Variants in CDH2 observed in about 807,000 individuals in gnomAD.
CDH2 encodes the protein cadherin 2, also known as cadherin-2.
A neutral mutation model predicts 92.0 loss-of-function variants in CDH2; 17 were observed. The observed-to-expected ratio is 0.18, with a 90% confidence interval of 0.13 to 0.28. The LOEUF is 0.28. Among genes scored for constraint, CDH2 ranks in the 10% least tolerant of loss-of-function variants. The pLI is 1.00. For missense variants in CDH2, 862 were observed against 1,133.1 expected (o/e 0.76, Z 3.44); for synonymous variants, 419 against 415.9 (o/e 1.01, Z -0.09).
intron 1 of CDH2, among the ~76,000 whole-genome samples, chr18:28,166,581 G>GT (rs1449928658): frequency 5.3e-5 from 8 of 152,106 alleles, no homozygotes; most frequent in Non-Finnish European, 7.4e-5. Flanking sequence ...CACAAACATG[G>GT]TATGTACACA....
At chr18:28,151,693 C>T (rs2016125249) in intron 1 of CDH2, among the ~76,000 whole-genome samples, 1 of 152,128 alleles carries the variant, frequency 6.6e-6, no homozygotes, top group Non-Finnish European at 1.5e-5. Flanking sequence ...TCTGGAACTT[C>T]CAAGAGGAGA....
chr18:28,177,130 C>T lies in CDH2; in HGVS notation c.-108G>A, dbSNP rs1422996303. 2 of 750,610 alleles carry T rather than the reference C, an allele frequency of 2.7e-6. No individual in the cohort carries two copies. Among genetic ancestry groups the T allele is most frequent in the South Asian group, 1.8e-5 (1 of 54,398 alleles). 46.5% of individuals were successfully genotyped at this position (750,610 alleles called of 1,614,324 possible). On this transcript the variant is annotated 5_prime_UTR_variant, in exon 1 of 16. Transcript: ENST00000269141. ...CACCAACAGCGGCGCGGAGAAACGGCTCCAGGCAGTTTCCACCCCCTTCCC... is the reference window on the plus strand; with the variant it reads ...CACCAACAGCGGCGCGGAGAAACGGTTCCAGGCAGTTTCCACCCCCTTCCC...
rs988471577 is a variant in CDH2, at chr18:28,063,786, T to C, written c.173-49877A>G. 2.6e-5 allele frequency among the ~76,000 whole-genome samples: 4 copies of C among 152,324 alleles called. No homozygotes were observed. The South Asian group carries it at 8.3e-4, about 32-fold the overall frequency. ...TTCATACCATTTAAACTACATATCC[T>C]GGGATTTGTAGACAAAAGTATCCTC... is the stretch of plus-strand genomic sequence containing the variant. On this transcript the variant is annotated intron_variant, in intron 2 of 15. Coordinates refer to ENST00000269141, the MANE Select transcript of CDH2 (RefSeq NM_001792.5).
At chr18:28,047,098 T>G (rs1244066117) in intron 2 of CDH2, among the ~76,000 whole-genome samples, 2 of 152,202 alleles carry the variant, frequency 1.3e-5, no homozygotes, top group Non-Finnish European at 2.9e-5. Flanking sequence ...TCTACAGCTT[T>G]GTAATCTGCC....
In CDH2 at chr18:27,973,148, G is replaced by A. The variant is rs571521946; in HGVS notation, c.2350-9627C>T. Among the ~76,000 whole-genome samples the A allele has an allele frequency of 3.1e-4, 47 of 152,174 alleles. 1 individual carries two copies. The South Asian group carries it at 8.3e-3, about 27-fold the overall frequency. On this transcript the variant is annotated intron_variant, in intron 14 of 15. Coordinates refer to ENST00000269141, the MANE Select transcript of CDH2 (RefSeq NM_001792.5). ...CCCATCTCAGGCACTTGGACTTGGC[G>A]GAATGTGCTTTCTGTGTCACCAAGA...
At chr18:28,101,863 C>A (rs2015232358) in intron 2 of CDH2, among the ~76,000 whole-genome samples, 1 of 152,274 alleles carries the variant, frequency 6.6e-6, no homozygotes, top group South Asian at 2.1e-4. Context: ...ACACACCCCA[C>A]TTTGGTCACA....
intron 2 of CDH2, among the ~76,000 whole-genome samples, chr18:28,029,228 T>A (rs776963512): frequency 1.3e-5 from 2 of 152,094 alleles, no homozygotes; most frequent in Non-Finnish European, 2.9e-5. Flanking sequence ...CAAGCACAAG[T>A]AGTATATGGC....
rs1172779200 is a variant in CDH2, at chr18:28,007,165, A to AAAAATATATATATAT, written c.703-1173_703-1172insATATATATATATTTT. ...ACAGAGTGAGACTCCATAAAAAAAA[A>AAAAATATATATATAT]ATATATATATATATATATATATATA... On this transcript the variant is annotated intron_variant, in intron 5 of 15. Coordinates refer to ENST00000269141, the MANE Select transcript of CDH2 (RefSeq NM_001792.5). Among the ~76,000 whole-genome samples the AAAAATATATATATAT allele has an allele frequency of 3.7e-4, 41 of 110,448 alleles. 1 individual carries two copies. Among genetic ancestry groups the AAAAATATATATATAT allele is most frequent in the South Asian group, 1.5e-3 (5 of 3,384 alleles). The allele number at this position is 110,448 out of a possible 152,430, so 72.5% of individuals were successfully genotyped here. A position where few individuals can be genotyped will look rare whatever the true frequency, so the allele number is the denominator to read the frequency against.
chr18:28,075,358 GT>G (rs2014699499), intron 2 of CDH2, among the ~76,000 whole-genome samples: 1 of 152,152 alleles, frequency 6.6e-6, no homozygotes, highest in Non-Finnish European at 1.5e-5. Flanking sequence ...TAGAGCTTCA[GT>G]TTCTCTGGTC....
chr18:28,026,578 A>G (rs1436843957), intron 2 of CDH2, among the ~76,000 whole-genome samples: 3 of 152,132 alleles, frequency 2.0e-5, no homozygotes, highest in Admixed American at 6.6e-5. Flanking sequence ...CATTCTCTTG[A>G]TACCTGGAAA....
At chr18:28,166,068 T>A (rs1047028831) in intron 1 of CDH2, among the ~76,000 whole-genome samples, 2 of 148,008 alleles carry the variant, frequency 1.4e-5, no homozygotes, top group African/African-American at 2.5e-5. Context: ...GTGTGACGTT[T>A]GAGGAAGCTG....
At chr18:27,950,794 G>T (rs2143847741), downstream of CDH2, among the ~76,000 whole-genome samples, 1 of 152,268 alleles carries the variant, frequency 6.6e-6, no homozygotes, top group African/African-American at 2.4e-5. Flanking sequence ...ATGATGGGAA[G>T]GTCCAAAATG....
chr18:28,172,906 TAAA>T (rs762181171), intron 1 of CDH2, among the ~76,000 whole-genome samples: 1 of 151,788 alleles, frequency 6.6e-6, no homozygotes, highest in African/African-American at 2.4e-5. Flanking sequence ...CACTTAGGAT[TAAA>T]AAAAATAGGA....
intron 1 of CDH2, among the ~76,000 whole-genome samples, chr18:28,168,275 A>C (rs948893725): frequency 1.3e-5 from 2 of 152,208 alleles, no homozygotes; most frequent in Admixed American, 6.5e-5. Flanking sequence ...CAGTATCTGT[A>C]CTCAGTTACA....
intron 1 of CDH2, among the ~76,000 whole-genome samples, chr18:28,168,274 T>C (rs754333598): frequency 6.6e-6 from 1 of 152,102 alleles, no homozygotes; most frequent in Non-Finnish European, 1.5e-5. Flanking sequence ...TCAGTATCTG[T>C]ACTCAGTTAC....
chr18:27,985,738 C>T lies in CDH2; in HGVS notation c.1765G>A (p.Gly589Arg). ...DNGIPPMSGT[G>R]TLQIYLLDIN... Reference sequence around the variant, plus strand: ...TCAAGTAAATAGATCTGCAGCGTTCCTGTTCCACTCATAGGAGGAATTCCT... The same window carrying T: ...TCAAGTAAATAGATCTGCAGCGTTCTTGTTCCACTCATAGGAGGAATTCCT... Residue 589 changes from glycine (G) to arginine (R), a missense_variant, in exon 12 of 16, where the codon GGA becomes AGA. Around this residue, in one of 5 missense-constraint regions of CDH2, gnomAD observed 564 missense variants for 722.2 expected, o/e 0.78. Coordinates refer to ENST00000269141, the MANE Select transcript of CDH2 (RefSeq NM_001792.5). 6.2e-7 allele frequency: 1 copy of T among 1,608,822 alleles called. No individual in the cohort carries two copies. Among genetic ancestry groups the T allele is most frequent in the Non-Finnish European group, 8.5e-7 (1 of 1,175,952 alleles).
intron 2 of CDH2, among the ~76,000 whole-genome samples, chr18:28,140,481 G>C (rs1372175236): frequency 6.6e-6 from 1 of 151,900 alleles, no homozygotes; most frequent in Admixed American, 6.6e-5. Flanking sequence ...ATTAGGTCAT[G>C]ATGGCTCTGT....
At position 27,951,281 on chromosome 18, in the gene CDH2, T is replaced by TAAC. The variant is rs1555627105; in HGVS notation, c.*869_*871dup. ...TAAAAAAATTAAAAATTGAGTATTCTAACTACAGCTCAACAATTGAATCAA... is the reference window on the plus strand; with the variant it reads ...TAAAAAAATTAAAAATTGAGTATTCTAACAACTACAGCTCAACAATTGAATCAA... On this transcript the variant is annotated 3_prime_UTR_variant, in exon 16 of 16. Transcript: ENST00000269141. 6.6e-6 allele frequency: 1 copy of TAAC among 152,262 alleles called. No homozygotes were observed. The highest frequency in any genetic ancestry group is 1.5e-5 in the Non-Finnish European group (1 of 67,988). The allele number at this position is 152,262 out of a possible 1,614,324, so 9.4% of individuals were successfully genotyped here.
chr18:28,082,867 T>C (rs2014857676), intron 2 of CDH2, among the ~76,000 whole-genome samples: 1 of 152,178 alleles, frequency 6.6e-6, no homozygotes, highest in Non-Finnish European at 1.5e-5. Flanking sequence ...TCAGCACTGG[T>C]GGAAGGCTGG....
Sources: allele counts gnomAD v4.1 joint callset (sites outside exome capture counted in the v4.1 genomes callset), GRCh38; gene constraint gnomAD v4.1.1; regional missense constraint gnomAD v4.1.1; transcripts MANE v1.5; gene names NCBI Gene and HGNC (gene_info 2026-07-23, HGNC 2026-07-21).